Variants in ARHGEF6 observed in about 807,000 individuals in gnomAD.
The protein encoded by ARHGEF6 is rho guanine nucleotide exchange factor 6.
In ARHGEF6, 9 loss-of-function variants were observed where a neutral mutation model predicts 70.3. That is an observed-to-expected ratio of 0.13 (90% confidence interval 0.08 to 0.22). ARHGEF6 has a LOEUF of 0.22. ARHGEF6 is among the 10% of genes least tolerant of loss of function. ARHGEF6 has a pLI of 1.00. For synonymous variants in ARHGEF6, 201 were observed against 207.8 expected (o/e 0.97, Z 0.28); for missense variants, 470 against 563.0 (o/e 0.83, Z 1.67).
intron 1 of ARHGEF6, 127 bp downstream of exon 1, chrX:136,780,591 T>C (rs1195822436): frequency 4.5e-6 from 3 of 669,819 alleles, no homozygotes; most frequent in Non-Finnish European, 7.2e-6. Flanking sequence ...AGAAAGAATG[T>C]CTAACTCTTA....
intron 7 of ARHGEF6, 104 bp from the exon 8 acceptor site, chrX:136,708,874 T>C: frequency 1.7e-6 from 1 of 575,809 alleles, no homozygotes; most frequent in East Asian, 4.2e-5. Flanking sequence ...ATATTTTAAC[T>C]TTTGCTTTTT....
chrX:136,765,952 G>T (rs1246391257), intron 2 of ARHGEF6, among the ~76,000 whole-genome samples: 1 of 112,784 alleles, frequency 8.9e-6, no homozygotes, highest in Non-Finnish European at 1.9e-5. Flanking sequence ...CCAATCATCT[G>T]CACAGCACCC....
At chrX:136,774,403 C>T (rs768447264) in intron 2 of ARHGEF6, among the ~76,000 whole-genome samples, 3 of 110,231 alleles carry the variant, frequency 2.7e-5, no homozygotes, top group Non-Finnish European at 5.7e-5. Context: ...GTAATCCCAG[C>T]ATTTTGGGAT....
rs1211825832 is a variant in ARHGEF6 at position 136,700,098 on chromosome X, A to G, written c.1046+6810T>C. Among the ~76,000 whole-genome samples the G allele has an allele frequency of 4.5e-5, 5 of 111,395 alleles. No homozygotes were observed. In the Admixed American group the frequency reaches 4.8e-4, roughly 11 times the overall value. ...TCTACTAAAAAATTGAGACTTGTTC[A>G]TAACATTATAGAATGTGTCCCCTTC... On this transcript the variant is annotated intron_variant, in intron 9 of 21. Coordinates refer to ENST00000250617, the MANE Select transcript of ARHGEF6 (RefSeq NM_004840.3).
chrX:136,745,751 T>G lies in ARHGEF6; in HGVS notation c.335-404A>C, dbSNP rs150077228. On this transcript the variant is annotated intron_variant, in intron 3 of 21. Transcript: ENST00000250617. ...CTTTGTTTTTTGGCCCATAACTCAG[T>G]GGCTCATTTCTTACTCACACGTAAC... is the stretch of plus-strand genomic sequence containing the variant. Among the ~76,000 whole-genome samples the G allele has an allele frequency of 2.0e-3, 224 of 112,113 alleles. 2 individuals are homozygous for G. The East Asian group carries it at 0.023, about 12-fold the overall frequency.
intron 2 of ARHGEF6, chrX:136,767,652 C>T (rs1321902883): frequency 2.3e-5 from 17 of 752,564 alleles, no homozygotes; most frequent in Non-Finnish European, 2.7e-5. Context: ...GAGCGACTGC[C>T]GGGGGAGCCA....
At chrX:136,678,911 C>G (rs1288997817) in intron 16 of ARHGEF6, among the ~76,000 whole-genome samples, 2 of 111,070 alleles carry the variant, frequency 1.8e-5, no homozygotes, top group African/African-American at 6.5e-5. Flanking sequence ...GTTACAGAAG[C>G]TAGTGAGTGA....
chrX:136,732,037 G>T, intron 6 of ARHGEF6, 65 bp downstream of exon 6: 2 of 898,296 alleles, frequency 2.2e-6, no homozygotes, highest in Non-Finnish European at 3.2e-6. Flanking sequence ...CACATCAATG[G>T]TTTGACAAGT....
chrX:136,720,157 A>T (rs1474877339), intron 6 of ARHGEF6, among the ~76,000 whole-genome samples: 1 of 112,225 alleles, frequency 8.9e-6, no homozygotes, highest in Non-Finnish European at 1.9e-5. Flanking sequence ...AGCCAGAATT[A>T]TCCCAATACC....
chrX:136,672,983 G>C (rs1162311458), intron 19 of ARHGEF6, among the ~76,000 whole-genome samples: 3 of 112,189 alleles, frequency 2.7e-5, no homozygotes, highest in African/African-American at 9.7e-5. Context: ...CACTTTGTAG[G>C]TGCTTAATAC....
rs183236087 is a variant in ARHGEF6, at chrX:136,720,652, T to C, written c.733-7282A>G. ...CTCCTTTTCAACATCATATTGAATG[T>C]CCTAGCTAATGCAATAAGAAAAAAA... On this transcript the variant is annotated intron_variant, in intron 6 of 21. Coordinates refer to ENST00000250617, the MANE Select transcript of ARHGEF6 (RefSeq NM_004840.3). Among the ~76,000 whole-genome samples, 14 of 111,604 alleles carry C rather than the reference T, an allele frequency of 1.3e-4. No individual in the cohort carries two copies. The East Asian group carries it at 2.5e-3, about 20-fold the overall frequency.
chrX:136,667,662 T>G lies in ARHGEF6; in HGVS notation c.*367A>C. ...AATGTGACCTGAGGGCAATGGCTGT[T>G]GCAGAGGCACTGTGAACTGAAGGCA... On this transcript the variant is annotated 3_prime_UTR_variant, in exon 22 of 22. Coordinates refer to ENST00000250617, the MANE Select transcript of ARHGEF6 (RefSeq NM_004840.3). 1 of 232,186 alleles carries G rather than the reference T, an allele frequency of 4.3e-6. No individual in the cohort carries two copies. The highest frequency in any genetic ancestry group is 6.4e-5 in the Admixed American group (1 of 15,700). 19.1% of individuals were successfully genotyped at this position (232,186 alleles called of 1,213,427 possible).
At chrX:136,731,993 A>C in intron 6 of ARHGEF6, 109 bp downstream of exon 6, 1 of 594,351 alleles carries the variant, frequency 1.7e-6, no homozygotes. Context: ...TCATGCATGC[A>C]ACTTTATTCA....
chrX:136,680,655 C>T lies in ARHGEF6; in HGVS notation c.1704+76G>A. Reference sequence around the variant, plus strand: ...CAAAAGACTAAGGGTGTGCTCGCTGCTTCTTGTAAGTCTCCAGCAGGCAGG... The same window carrying T: ...CAAAAGACTAAGGGTGTGCTCGCTGTTTCTTGTAAGTCTCCAGCAGGCAGG... On this transcript the variant is annotated intron_variant, in intron 15 of 21. Transcript: ENST00000250617. The T allele has an allele frequency of 4.4e-6, 5 of 1,135,858 alleles. No individual in the cohort carries two copies. In the South Asian group the frequency reaches 7.2e-5, roughly 16 times the overall value. The allele number at this position is 1,135,858 out of a possible 1,213,427, so 93.6% of individuals were successfully genotyped here. A position where few individuals can be genotyped will look rare whatever the true frequency, so the allele number is the denominator to read the frequency against.
At position 136,708,687 on chromosome X, in the gene ARHGEF6, T is replaced by C; in HGVS notation, c.911A>G (p.Glu304Gly). The C allele has an allele frequency of 8.3e-7, 1 of 1,203,010 alleles. No homozygotes were observed. Among genetic ancestry groups the C allele is most frequent in the Non-Finnish European group, 1.1e-6 (1 of 888,424 alleles). Residue 304 changes from glutamate to glycine, a missense_variant, in exon 8 of 22, where the codon GAA becomes GGA. Transcript: ENST00000250617. Reference protein sequence around the residue: ...TFQQTLCQALEECSKFPENQH... With the variant: ...TFQQTLCQALGECSKFPENQH... The stretch of plus-strand genomic sequence containing the variant: ...ATGCCACACTTACTTTGAACATTCT[T>C]CCAAGGCTTGGCAGAGTGTCTGTTG...
chrX:136,719,354 A>G (rs1316193079), intron 6 of ARHGEF6, among the ~76,000 whole-genome samples: 1 of 112,059 alleles, frequency 8.9e-6, no homozygotes, highest in Non-Finnish European at 1.9e-5. Context: ...TAATCAAACT[A>G]GAAATCAATA....
Position 136,669,524 on chromosome X carries a change from A to T in ARHGEF6, c.2148T>A (p.Asp716Glu). ...QTIMEEKSLV[D>E]TVYALKDEVR... ...CCTCGTCCTTCAAGGCGTAAACAGT[A>T]TCAACAAGGCTCCTAGAAAATAAAG... The change falls in exon 21 of 22, where the codon GAT (aspartate) becomes GAA (glutamate). Residue 716 changes from aspartate to glutamate, a missense_variant. Physicochemically the swap from Asp to Glu is conservative, Grantham distance 45 (BLOSUM62 2). Transcript: ENST00000250617. 8.3e-7 allele frequency: 1 copy of T among 1,207,201 alleles called. No individual in the cohort carries two copies. Among genetic ancestry groups the T allele is most frequent in the Non-Finnish European group, 1.1e-6 (1 of 891,209 alleles).
At chrX:136,779,370 CA>C in intron 2 of ARHGEF6, 43 bp downstream of exon 2, 1 of 1,112,059 alleles carries the variant, frequency 9.0e-7, no homozygotes, top group Non-Finnish European at 1.2e-6. Context: ...ATTAGCAGAG[CA>C]AAAAAACGAT....
chrX:136,748,166 T>A (rs766581873), intron 2 of ARHGEF6, among the ~76,000 whole-genome samples: 1 of 111,749 alleles, frequency 8.9e-6, no homozygotes, highest in Non-Finnish European at 1.9e-5. Flanking sequence ...TCTGCCCAGG[T>A]CTGCCTTTTG....
Sources: gnomAD v4.1 joint callset for allele counts (sites outside exome capture counted in the v4.1 genomes callset) on GRCh38, gnomAD v4.1.1 for gene constraint, MANE v1.5 for transcripts, NCBI Gene and HGNC (gene_info 2026-07-23, HGNC 2026-07-21) for gene names.